UBE2G1: variants seen among roughly 807,000 people sequenced by gnomAD.
The protein encoded by UBE2G1 is ubiquitin conjugating enzyme E2 G1.
Under a neutral mutation model 22.7 loss-of-function variants are expected in UBE2G1, and 5 were observed. The ratio of observed to expected loss-of-function variants is 0.22; its 90% CI spans 0.12 to 0.46. UBE2G1 has a LOEUF of 0.46. UBE2G1 is among the 20% of genes least tolerant of loss of function. UBE2G1 has a pLI of 0.99. For synonymous variants in UBE2G1, 74 were observed against 67.5 expected (o/e 1.10, Z -0.47); for missense variants, 88 against 203.9 (o/e 0.43, Z 3.46).
intron 1 of UBE2G1, among the ~76,000 whole-genome samples, chr17:4,319,609 C>A (rs1475056543): frequency 6.6e-6 from 1 of 152,038 alleles, no homozygotes; most frequent in East Asian, 1.9e-4. Flanking sequence ...GCGGCAAGCG[C>A]CTGTGGTGCC....
chr17:4,345,495 T>A (rs546498926), intron 1 of UBE2G1: 5 of 152,326 alleles, frequency 3.3e-5, no homozygotes, highest in African/African-American at 1.2e-4. Context: ...TCCCTATACA[T>A]AACTTTCATT....
chr17:4,304,100 T>A lies in UBE2G1; in HGVS notation c.149+2921A>T, dbSNP rs114829845. ...GTGCAGTAGCGTAATCTTGGCTCACTGCAGCCTCCACCTCCTGGGCTCAGC... is the reference window on the plus strand; with the variant it reads ...GTGCAGTAGCGTAATCTTGGCTCACAGCAGCCTCCACCTCCTGGGCTCAGC... On this transcript the variant is annotated intron_variant, in intron 2 of 5. Transcript: ENST00000396981. Among the ~76,000 whole-genome samples the A allele has an allele frequency of 6.8e-3, 1,040 of 152,326 alleles. 15 individuals are homozygous for A. Among genetic ancestry groups the A allele is most frequent in the African/African-American group, 0.024 (990 of 41,564 alleles).
intron 1 of UBE2G1, among the ~76,000 whole-genome samples, chr17:4,352,789 A>T (rs192150928): frequency 6.6e-6 from 1 of 152,098 alleles, no homozygotes; most frequent in African/African-American, 2.4e-5. Context: ...AATATTTTGT[A>T]TGAGGCCGGG....
At chr17:4,337,530 G>C (rs1411654621) in intron 1 of UBE2G1, among the ~76,000 whole-genome samples, 1 of 151,628 alleles carries the variant, frequency 6.6e-6, no homozygotes, top group Admixed American at 6.6e-5. Context: ...GCGCATGCCT[G>C]TAATCCCAGC....
chr17:4,320,868 G>A lies in UBE2G1; in HGVS notation c.47-13745C>T, dbSNP rs146871294. ...CGTTCCCACCACCATACCTCTTTTC[G>A]TTTTCCCCCTCAAATATAAATAATG... On this transcript the variant is annotated intron_variant, in intron 1 of 5. Transcript: ENST00000396981. Among the ~76,000 whole-genome samples, 444 of 151,854 alleles carry A rather than the reference G, an allele frequency of 2.9e-3. 1 individual carries two copies. Among genetic ancestry groups the A allele is most frequent in the African/African-American group, 0.01 (414 of 41,384 alleles).
At chr17:4,355,430 C>T (rs1209368543) in intron 1 of UBE2G1, among the ~76,000 whole-genome samples, 2 of 149,694 alleles carry the variant, frequency 1.3e-5, no homozygotes, top group Non-Finnish European at 1.5e-5. Flanking sequence ...CACCTGAGGT[C>T]AGGAGTTTAA....
At chr17:4,331,860 T>G (rs904702963) in intron 1 of UBE2G1, 6 of 152,002 alleles carry the variant, frequency 3.9e-5, no homozygotes, top group African/African-American at 1.5e-4. Flanking sequence ...ACGAGGGAGA[T>G]CAGTAGTGAG....
chr17:4,305,536 C>A (rs1268173878), intron 2 of UBE2G1, among the ~76,000 whole-genome samples: 1 of 152,124 alleles, frequency 6.6e-6, no homozygotes, highest in Non-Finnish European at 1.5e-5. Flanking sequence ...CACCAAAGAC[C>A]AGAGACGGTT....
intron 1 of UBE2G1, among the ~76,000 whole-genome samples, chr17:4,308,530 G>GA (rs1345026640): frequency 2.0e-5 from 3 of 151,238 alleles, no homozygotes; most frequent in Non-Finnish European, 3.0e-5. Flanking sequence ...ATCTCAAAAA[G>GA]AAAAAAAACA....
intron 5 of UBE2G1, among the ~76,000 whole-genome samples, chr17:4,276,899 A>C (rs1381415887): frequency 6.6e-6 from 1 of 152,196 alleles, no homozygotes; most frequent in Non-Finnish European, 1.5e-5. Context: ...ATTCCCAAAC[A>C]AGACAAAAGA....
At chr17:4,288,000 T>C (rs72829375) in intron 4 of UBE2G1, among the ~76,000 whole-genome samples, 3,886 of 152,302 alleles carry the variant, frequency 0.026, 66 homozygotes, top group Non-Finnish European at 0.038. Flanking sequence ...AGACTTGTAC[T>C]GTGTATATGG....
chr17:4,272,419 C>G lies in UBE2G1; in HGVS notation c.*135G>C, dbSNP rs182874491. On this transcript the variant is annotated 3_prime_UTR_variant, in exon 6 of 6. Transcript: ENST00000396981. ...TGATAACTGGCATGTTTTATTGCAG[C>G]CCAGTTCCAGCCAGTGTTTGCCAAC... 2.0e-4 allele frequency: 37 copies of G among 186,764 alleles called. No homozygotes were observed. Among genetic ancestry groups the G allele is most frequent in the Admixed American group, 4.2e-4 (10 of 23,666 alleles). The allele number at this position is 186,764 out of a possible 1,614,324, so 11.6% of individuals were successfully genotyped here. A position where few individuals can be genotyped will look rare whatever the true frequency, so the allele number is the denominator to read the frequency against.
chr17:4,294,501 C>A (rs142913505), intron 3 of UBE2G1, among the ~76,000 whole-genome samples: 2 of 151,832 alleles, frequency 1.3e-5, no homozygotes, highest in Non-Finnish European at 2.9e-5. Flanking sequence ...ACAAAACACA[C>A]CACCATTTTA....
At chr17:4,347,513 C>T (rs895568899) in intron 1 of UBE2G1, among the ~76,000 whole-genome samples, 7 of 125,260 alleles carry the variant, frequency 5.6e-5, no homozygotes, top group Admixed American at 3.1e-4. Flanking sequence ...CTCGCTCTGT[C>T]ACCCAGACTG....
At chr17:4,282,981 A>AT in intron 4 of UBE2G1, 60 bp from the exon 5 acceptor site, 2 of 1,327,802 alleles carry the variant, frequency 1.5e-6, no homozygotes, top group Non-Finnish European at 2.1e-6. Context: ...ATAATCTCAA[A>AT]TATTTATTTT....
chr17:4,289,460 A>G, intron 3 of UBE2G1, 52 bp from the exon 4 acceptor site: 1 of 1,454,496 alleles, frequency 6.9e-7, no homozygotes, highest in African/African-American at 1.4e-5. Context: ...TTGGTTATAC[A>G]TGAAATATCA....
intron 1 of UBE2G1, among the ~76,000 whole-genome samples, chr17:4,322,707 G>T (rs1166282277): frequency 6.6e-6 from 1 of 152,108 alleles, no homozygotes; most frequent in African/African-American, 2.4e-5. Context: ...TTATTTAAAG[G>T]CAAGGGAACC....
At chr17:4,297,119 C>G (rs771303944) in intron 2 of UBE2G1, among the ~76,000 whole-genome samples, 4 of 152,184 alleles carry the variant, frequency 2.6e-5, no homozygotes, top group Admixed American at 6.5e-5. Flanking sequence ...CTTCCCAGTG[C>G]ACTTAAAACA....
At chr17:4,286,298 G>A (rs1406588805) in intron 4 of UBE2G1, among the ~76,000 whole-genome samples, 1 of 149,850 alleles carries the variant, frequency 6.7e-6, no homozygotes, top group Non-Finnish European at 1.5e-5. Flanking sequence ...CCAGCTACTC[G>A]GGAGGCTGAG....
Sources: gnomAD v4.1 joint callset for allele counts (sites outside exome capture counted in the v4.1 genomes callset) on GRCh38, gnomAD v4.1.1 for gene constraint, MANE v1.5 for transcripts, NCBI Gene and HGNC (gene_info 2026-07-23, HGNC 2026-07-21) for gene names.